The following TBC1D5 variants were observed in gnomAD, a reference collection of about 807,000 sequenced individuals.
TBC1D5 encodes TBC1 domain family member 5.
Under a neutral mutation model 100.3 loss-of-function variants are expected in TBC1D5, and 75 were observed. The observed-to-expected ratio is 0.75, with a 90% CI of 0.62 to 0.91. TBC1D5 has a LOEUF of 0.91. Among genes scored for constraint, TBC1D5 ranks in the 40% least tolerant of loss-of-function variants. TBC1D5 has a pLI of 0.00. For synonymous variants in TBC1D5, 323 were observed against 325.6 expected, an observed-to-expected ratio of 0.99 and a Z score of 0.09; for missense variants, 910 against 942.4, an observed-to-expected ratio of 0.97 and a Z score of 0.45.
intron 2 of TBC1D5, among the ~76,000 whole-genome samples, chr3:17,538,356 T>C (rs780993577): frequency 6.6e-5 from 10 of 152,136 alleles, no homozygotes; most frequent in Admixed American, 4.6e-4. Flanking sequence ...TTATACGACC[T>C]TCCAATGGGA....
At chr3:17,171,211 A>T (rs1430808884) in intron 19 of TBC1D5, among the ~76,000 whole-genome samples, 1 of 152,052 alleles carries the variant, frequency 6.6e-6, no homozygotes, top group African/African-American at 2.4e-5. Context: ...CAGTTTAAGG[A>T]GGCACCTAGA....
chr3:17,623,422 C>G lies in TBC1D5; in HGVS notation c.-36+427G>C, dbSNP rs572642151. On this transcript the variant is annotated intron_variant, in intron 2 of 21. Coordinates refer to ENST00000253692, the Ensembl canonical transcript of TBC1D5. ...CTTCCATCGGAAAACAATTAACTTT[C>G]ATTAACACAGAAACTGTACACAAAA... Among the ~76,000 whole-genome samples the G allele has an allele frequency of 1.3e-4, 20 of 152,300 alleles. No individual in the cohort carries two copies. The East Asian group carries it at 3.7e-3, about 28-fold the overall frequency.
At chr3:17,549,223 C>A (rs2096449810) in intron 2 of TBC1D5, among the ~76,000 whole-genome samples, 1 of 152,184 alleles carries the variant, frequency 6.6e-6, no homozygotes, top group Admixed American at 6.5e-5. Flanking sequence ...ATCACTTGAA[C>A]CTGGGAGGCA....
intron 20 of TBC1D5, 114 bp from the exon 22 acceptor site, chr3:17,167,042 A>G (rs769250768): frequency 2.0e-4 from 196 of 977,154 alleles, no homozygotes; most frequent in Non-Finnish European, 2.3e-4. Context: ...TTTTTATAGT[A>G]TGAATATTAA....
chr3:17,684,720 T>C (rs1191182444), intron 1 of TBC1D5, among the ~76,000 whole-genome samples: 3 of 152,036 alleles, frequency 2.0e-5, no homozygotes, highest in African/African-American at 7.2e-5. Flanking sequence ...TTTTCATTCA[T>C]TAAATATAAA....
intron 2 of TBC1D5, among the ~76,000 whole-genome samples, chr3:17,608,367 C>T (rs1228738562): frequency 1.3e-5 from 2 of 152,120 alleles, no homozygotes; most frequent in East Asian, 3.9e-4. Flanking sequence ...AAACAAAATA[C>T]ATAATGAGTA....
chr3:17,717,257 CAAA>C (rs11322595), intron 1 of TBC1D5, among the ~76,000 whole-genome samples: 1 of 140,748 alleles, frequency 7.1e-6, no homozygotes, highest in Non-Finnish European at 1.6e-5. Flanking sequence ...AAGGATTTTT[CAAA>C]AAAAAAAAAG....
chr3:17,614,318 C>T (rs1161799227), intron 2 of TBC1D5, among the ~76,000 whole-genome samples: 1 of 152,160 alleles, frequency 6.6e-6, no homozygotes, highest in Non-Finnish European at 1.5e-5. Context: ...AGTCAGGTAG[C>T]TTGATGCCTC....
intron 13 of TBC1D5, among the ~76,000 whole-genome samples, chr3:17,360,789 C>T (rs2091633849): frequency 1.3e-5 from 2 of 151,854 alleles, no homozygotes; most frequent in Admixed American, 1.3e-4. Context: ...TTTAAAAACT[C>T]ATTGTAAATA....
At chr3:17,159,267 C>A (rs1468461909) in exon 22 of TBC1D5, 1 of 152,192 alleles carries the variant, frequency 6.6e-6, no homozygotes, top group Non-Finnish European at 1.5e-5. Flanking sequence ...CAATTAGAAC[C>A]CTCTCTACAG....
chr3:17,373,911 T>G (rs563304668), intron 12 of TBC1D5, among the ~76,000 whole-genome samples: 50 of 152,230 alleles, frequency 3.3e-4, no homozygotes, highest in African/African-American at 1.1e-3. Context: ...ATTAAAAAAA[T>G]GTTTTGGAAT....
intron 1 of TBC1D5, among the ~76,000 whole-genome samples, chr3:17,720,585 T>C (rs535769335): frequency 5.9e-5 from 9 of 152,258 alleles, no homozygotes; most frequent in East Asian, 1.9e-4. Flanking sequence ...GGTAGGAGGA[T>C]TGCTTGAGCC....
intron 2 of TBC1D5, among the ~76,000 whole-genome samples, chr3:17,611,605 A>G (rs911816585): frequency 1.3e-5 from 2 of 152,176 alleles, no homozygotes; most frequent in African/African-American, 4.8e-5. Flanking sequence ...GGGACAAAAG[A>G]CCCATTAGAT....
At chr3:17,321,295 C>T (rs2085371829) in intron 13 of TBC1D5, among the ~76,000 whole-genome samples, 1 of 152,184 alleles carries the variant, frequency 6.6e-6, no homozygotes, top group South Asian at 2.1e-4. Flanking sequence ...AACTCCTGGC[C>T]TCAAGCCTCC....
At chr3:17,339,691 C>T (rs905037540) in intron 13 of TBC1D5, among the ~76,000 whole-genome samples, 36 of 152,152 alleles carry the variant, frequency 2.4e-4, no homozygotes, top group African/African-American at 7.7e-4. Flanking sequence ...CACACACATG[C>T]CATATAGCAA....
chr3:17,356,324 T>C (rs917900459), intron 13 of TBC1D5, among the ~76,000 whole-genome samples: 4 of 152,148 alleles, frequency 2.6e-5, no homozygotes, highest in Non-Finnish European at 4.4e-5. Context: ...CTCCTTTCGA[T>C]AGAGAATCTT....
intron 1 of TBC1D5, among the ~76,000 whole-genome samples, chr3:17,645,945 C>T (rs942752125): frequency 6.6e-6 from 1 of 152,060 alleles, no homozygotes; most frequent in Non-Finnish European, 1.5e-5. Context: ...AAATCCTATT[C>T]GTTTCTCCTT....
intron 1 of TBC1D5, among the ~76,000 whole-genome samples, chr3:17,671,153 A>G (rs1028970240): frequency 6.6e-6 from 1 of 152,240 alleles, no homozygotes; most frequent in Non-Finnish European, 1.5e-5. Context: ...AAAACACACA[A>G]TAAGAATATT....
At chr3:17,598,218 A>G (rs375950509) in intron 2 of TBC1D5, among the ~76,000 whole-genome samples, 2 of 152,336 alleles carry the variant, frequency 1.3e-5, no homozygotes, top group South Asian at 4.1e-4. Flanking sequence ...TTAAGCTTAC[A>G]TTAGTCTTTG....
Sources: allele counts gnomAD v4.1 joint callset (sites outside exome capture counted in the v4.1 genomes callset), GRCh38; gene constraint gnomAD v4.1.1; transcripts MANE v1.5; gene names NCBI Gene and HGNC (gene_info 2026-07-23, HGNC 2026-07-21).